Variants in KDM3A observed in about 807,000 individuals in gnomAD.
KDM3A encodes the protein lysine demethylase 3A.
In KDM3A, 60 loss-of-function variants were observed where a neutral mutation model predicts 158.0. That is an observed-to-expected ratio of 0.38 (90% confidence interval 0.31 to 0.47). The LOEUF (loss-of-function observed/expected upper bound fraction) is 0.47, where lower values mean the gene tolerates loss of function less well. Ranked by LOEUF, KDM3A falls within the 20% of genes least tolerant of loss-of-function variation. The pLI is 0.99. For missense variants in KDM3A, 1,319 were observed against 1,574.3 expected (o/e 0.84, Z 2.74); for synonymous variants, 608 against 549.3 (o/e 1.11, Z -1.49).
At position 86,456,868 on chromosome 2, in the gene KDM3A, G is replaced by A; in HGVS notation, c.745G>A (p.Val249Met). The change falls in exon 7 of 26, where the codon GTG becomes ATG. Residue 249 changes from valine (V) to methionine (M), a missense_variant. Around this residue, in one of 4 missense-constraint regions of KDM3A, gnomAD observed 652 missense variants for 627.2 expected, o/e 1.04. Transcript: ENST00000312912. ...IHVEVVHDNL[V>M]TCGNSARIGA... ...TGTTGAAGTTGTACACGATAACCTT[G>A]TGACATGTGGTAAGATATGTTATTA... The A allele has an allele frequency of 1.2e-6, 2 of 1,609,218 alleles. No homozygotes were observed. The highest frequency in any genetic ancestry group is 1.7e-6 in the Non-Finnish European group (2 of 1,175,946).
intron 8 of KDM3A, among the ~76,000 whole-genome samples, chr2:86,461,644 T>G (rs192232548): frequency 9.9e-5 from 15 of 152,256 alleles, no homozygotes; most frequent in Admixed American, 9.8e-4. Flanking sequence ...ATGAAAGGTA[T>G]AAACAGAAAA....
chr2:86,443,484 C>CA (rs1168251454), intron 2 of KDM3A: 1 of 152,188 alleles, frequency 6.6e-6, no homozygotes, highest in African/African-American at 2.4e-5. Context: ...AACCATGTGG[C>CA]AAGCACTTCA....
rs780017566 is a variant in KDM3A, at chr2:86,466,326, G to A, written c.1008-46G>A. On this transcript the variant is annotated intron_variant, in intron 9 of 25. Coordinates refer to ENST00000312912, the MANE Select transcript of KDM3A (RefSeq NM_018433.6). ...GTTTGTTTGGGGAAGATAATGGAGA[G>A]ATAAAAAGAGGCCTGGATGCTAGCT... 7 of 1,543,050 alleles carry A rather than the reference G, an allele frequency of 4.5e-6. No individual in the cohort carries two copies. In the South Asian group the frequency reaches 7.6e-5, roughly 17 times the overall value.
At position 86,470,299 on chromosome 2, in the gene KDM3A, A is replaced by G; in HGVS notation, c.1615A>G (p.Ile539Val). The G allele has an allele frequency of 6.2e-7, 1 of 1,614,164 alleles. No individual in the cohort carries two copies. The change falls in exon 11 of 26, where the codon ATC (isoleucine) becomes GTC (valine). Residue 539 changes from isoleucine (I) to valine (V), a missense_variant. Ile to Val is a conservative substitution (Grantham distance 29, BLOSUM62 3). This residue lies in a region of KDM3A where 113 missense variants were observed against 190.5 expected (regional missense o/e 0.59). Transcript: ENST00000312912. ...CGTACAGGATGATTCTTGTGTGAAC[A>G]TCGTGGCACAGTTGCCTAAATGCCG... ...AFVQDDSCVN[I>V]VAQLPKCREC... is the part of the protein sequence containing the mutation.
Position 86,481,984 on chromosome 2 carries a change from T to G in KDM3A, c.2567T>G (p.Leu856Arg). The G allele has an allele frequency of 6.2e-7, 1 of 1,613,966 alleles. No individual in the cohort carries two copies. The highest frequency in any genetic ancestry group is 8.5e-7 in the Non-Finnish European group (1 of 1,179,902). The change falls in exon 17 of 26, where the codon CTC becomes CGC. Residue 856 changes from leucine to arginine, a missense_variant. Physicochemically the swap from Leu to Arg is moderately radical, Grantham distance 102. Transcript: ENST00000312912. ...LKNEIKCLPP[L>R]PPLSKSSTVL... ...AATGAAATCAAATGCCTTCCACCCCTCCCACCTTTAAGCAAATCCAGCACA... is the reference window on the plus strand; with the variant it reads ...AATGAAATCAAATGCCTTCCACCCCGCCCACCTTTAAGCAAATCCAGCACA...
chr2:86,482,928 T>G (rs1338852929), intron 18 of KDM3A: 1 of 508,582 alleles, frequency 2.0e-6, no homozygotes, highest in Non-Finnish European at 3.5e-6. Flanking sequence ...TACCAGTCCC[T>G]GTTGGGTTTT....
At chr2:86,469,707 A>G (rs1004012176) in intron 10 of KDM3A, among the ~76,000 whole-genome samples, 2 of 152,186 alleles carry the variant, frequency 1.3e-5, no homozygotes, top group African/African-American at 2.4e-5. Flanking sequence ...CCCAGGGGCT[A>G]CGTAGGAAAG....
chr2:86,439,240 C>A (rs984219749), upstream of KDM3A, among the ~76,000 whole-genome samples: 13 of 152,018 alleles, frequency 8.6e-5, no homozygotes, highest in South Asian at 1.9e-3. Context: ...TACGATTTTT[C>A]TTTTTTAACC....
chr2:86,452,393 T>C (rs979889623), intron 4 of KDM3A, among the ~76,000 whole-genome samples: 16 of 152,128 alleles, frequency 1.1e-4, no homozygotes, highest in African/African-American at 3.6e-4. Context: ...CAGAAACACA[T>C]AAAACAAGAT....
chr2:86,477,834 GC>G lies in KDM3A; in HGVS notation c.1940-40del, dbSNP rs762444473. ...CTACCTTTCGTTTTTGGTTTCAGAA[GC>G]CCTCTCCTTCCAAAGACTAAGTGAT... On this transcript the variant is annotated intron_variant, in intron 12 of 25. Coordinates refer to ENST00000312912, the MANE Select transcript of KDM3A (RefSeq NM_018433.6). The G allele has an allele frequency of 1.9e-6, 3 of 1,543,858 alleles. No homozygotes were observed. The East Asian group carries it at 6.8e-5, about 35-fold the overall frequency.
Position 86,492,327 on chromosome 2 carries a change from T to C in KDM3A, c.*208T>C, listed in dbSNP as rs1444808352. ...ATTTACAGAACATGCATCCTTAAAC[T>C]GTGACTTCTCACCTAGTGCAGAACT... On this transcript the variant is annotated 3_prime_UTR_variant, in exon 26 of 26. Coordinates refer to ENST00000312912, the MANE Select transcript of KDM3A (RefSeq NM_018433.6). 2.0e-6 allele frequency: 1 copy of C among 493,720 alleles called. No individual in the cohort carries two copies. The highest frequency in any genetic ancestry group is 3.6e-6 in the Non-Finnish European group (1 of 275,894). 30.6% of individuals were successfully genotyped at this position (493,720 alleles called of 1,614,324 possible).
At chr2:86,441,944 G>T in intron 1 of KDM3A, 74 bp from the exon 2 acceptor site, 1 of 654,612 alleles carries the variant, frequency 1.5e-6, no homozygotes, top group South Asian at 1.5e-5. Context: ...CCCTCCGCCC[G>T]CCCTCCCTGC....
chr2:86,482,903 G>T, intron 18 of KDM3A: 1 of 550,754 alleles, frequency 1.8e-6, no homozygotes, highest in South Asian at 2.3e-5. Context: ...TTCCAGTCAG[G>T]TTTTTGTTGC....
intron 21 of KDM3A, chr2:86,488,765 G>GT (rs1220827419): frequency 1.3e-5 from 2 of 153,442 alleles, no homozygotes; most frequent in Non-Finnish European, 2.9e-5. Context: ...GTTGAGCAAG[G>GT]TGAGCTTTCT....
At chr2:86,483,900 C>T in intron 18 of KDM3A, 87 bp from the exon 19 acceptor site, 1 of 1,064,108 alleles carries the variant, frequency 9.4e-7, no homozygotes, top group Non-Finnish European at 1.4e-6. Context: ...TGGAAATATA[C>T]CAATAGCAGT....
chr2:86,456,736 G>A, intron 6 of KDM3A, 69 bp from the exon 7 acceptor site: 1 of 1,363,200 alleles, frequency 7.3e-7, no homozygotes, highest in Non-Finnish European at 1.0e-6. Context: ...TTATGTTAAT[G>A]AACCTGATTT....
intron 2 of KDM3A, among the ~76,000 whole-genome samples, chr2:86,445,971 G>A (rs4832289): frequency 0.81 from 122,748 of 152,226 alleles, 50,120 homozygotes; most frequent in East Asian, 0.95. Context: ...CTGTGCTCCT[G>A]CTTTTAAACT....
intron 16 of KDM3A, among the ~76,000 whole-genome samples, chr2:86,481,728 C>T (rs925979320): frequency 6.6e-6 from 1 of 152,102 alleles, no homozygotes; most frequent in Non-Finnish European, 1.5e-5. Flanking sequence ...TTACAAAATT[C>T]CATTGTACTG....
At chr2:86,474,690 T>C (rs1291048814) in intron 11 of KDM3A, 86 bp from the exon 12 acceptor site, 7 of 719,554 alleles carry the variant, frequency 9.7e-6, no homozygotes, top group Non-Finnish European at 1.5e-5. Context: ...TAATTACAAG[T>C]TGTAAATAAG....
Sources: gnomAD v4.1 joint callset for allele counts (sites outside exome capture counted in the v4.1 genomes callset) on GRCh38, gnomAD v4.1.1 for gene constraint, gnomAD v4.1.1 regional missense constraint, MANE v1.5 for transcripts, NCBI Gene and HGNC (gene_info 2026-07-23, HGNC 2026-07-21) for gene names.